Variants in KALRN observed in about 807,000 individuals in gnomAD.
KALRN encodes kalirin.
In KALRN, 70 loss-of-function variants were observed where a neutral mutation model predicts 353.7. The ratio of observed to expected loss-of-function variants is 0.20; its 90% CI spans 0.16 to 0.24. The LOEUF is 0.24. Ranked by LOEUF, KALRN falls within the 10% of genes least tolerant of loss-of-function variation. The probability of loss-of-function intolerance (pLI) is 1.00; values close to 1 mark genes in which losing one functional copy is unlikely to be tolerated. For missense variants in KALRN, 2,791 were observed against 3,756.7 expected (o/e 0.74, Z 6.72); for synonymous variants, 1,391 against 1,434.8 (o/e 0.97, Z 0.69).
chr3:124,210,643 CA>C (rs1465999560), intron 1 of KALRN, among the ~76,000 whole-genome samples: 1 of 152,108 alleles, frequency 6.6e-6, no homozygotes, highest in Non-Finnish European at 1.5e-5. Context: ...GAAAAAAACA[CA>C]AAGGGAACTG....
intron 34 of KALRN, among the ~76,000 whole-genome samples, chr3:124,565,116 T>C (rs1324396680): frequency 6.6e-6 from 1 of 152,198 alleles, no homozygotes; most frequent in Admixed American, 6.5e-5. Flanking sequence ...CCTGACTTCC[T>C]TTCCTCCACT....
intron 33 of KALRN, among the ~76,000 whole-genome samples, chr3:124,542,317 G>A (rs1009590322): frequency 1.1e-4 from 17 of 152,166 alleles, no homozygotes; most frequent in Non-Finnish European, 2.1e-4. Context: ...CGTGTGACTT[G>A]GAGCAACTTT....
At chr3:124,311,977 G>A (rs1487058166) in intron 6 of KALRN, among the ~76,000 whole-genome samples, 2 of 152,148 alleles carry the variant, frequency 1.3e-5, no homozygotes, top group Non-Finnish European at 2.9e-5. Context: ...AAGTAGATTA[G>A]TTGTTGCTTA....
At chr3:124,527,116 A>T (rs770217293) in intron 33 of KALRN, among the ~76,000 whole-genome samples, 1 of 152,178 alleles carries the variant, frequency 6.6e-6, no homozygotes, top group Non-Finnish European at 1.5e-5. Flanking sequence ...AGTGCAGGAG[A>T]TGAGGAAGGA....
intron 51 of KALRN, among the ~76,000 whole-genome samples, chr3:124,691,962 C>A (rs570349575): frequency 6.6e-6 from 1 of 152,206 alleles, no homozygotes; most frequent in East Asian, 1.9e-4. Flanking sequence ...TCCACTCCCC[C>A]ATCCCACCCC....
At chr3:124,621,661 C>T (rs141222391) in intron 34 of KALRN, among the ~76,000 whole-genome samples, 168 of 152,350 alleles carry the variant, frequency 1.1e-3, no homozygotes, top group African/African-American at 3.8e-3. Context: ...GTTGCTGTCA[C>T]CATAGCAGCT....
chr3:124,422,755 A>T, intron 14 of KALRN, 57 bp from the exon 15 acceptor site: 1 of 1,413,918 alleles, frequency 7.1e-7, no homozygotes, highest in Non-Finnish European at 9.9e-7. Flanking sequence ...TATTGAAGGG[A>T]ATGTAGCCTT....
intron 33 of KALRN, among the ~76,000 whole-genome samples, chr3:124,502,515 G>T (rs533512840): frequency 1.6e-4 from 25 of 152,198 alleles, no homozygotes. Context: ...AAAGAAAGGG[G>T]ATGGGTTTTC....
chr3:124,399,496 C>T (rs1356472045), intron 13 of KALRN, among the ~76,000 whole-genome samples: 2 of 152,192 alleles, frequency 1.3e-5, no homozygotes, highest in African/African-American at 4.8e-5. Flanking sequence ...GAAATACCAT[C>T]CATGGAGCTG....
chr3:124,069,787 A>G (rs1194219410), intron 1 of KALRN, among the ~76,000 whole-genome samples: 1 of 152,192 alleles, frequency 6.6e-6, no homozygotes, highest in Non-Finnish European at 1.5e-5. Flanking sequence ...GCTGAAGCTC[A>G]GAGGAAAGGG....
At chr3:124,660,124 G>C (rs561464279) in intron 43 of KALRN, among the ~76,000 whole-genome samples, 2 of 151,680 alleles carry the variant, frequency 1.3e-5, no homozygotes, top group Admixed American at 6.6e-5. Flanking sequence ...GTAGAGACAC[G>C]GTCTCACTAT....
intron 33 of KALRN, among the ~76,000 whole-genome samples, chr3:124,535,190 T>A (rs537038227): frequency 2.6e-4 from 40 of 152,018 alleles, no homozygotes; most frequent in East Asian, 1.9e-3. Context: ...TTTTTTTTTT[T>A]AAAACACTAG....
intron 58 of KALRN, among the ~76,000 whole-genome samples, chr3:124,715,350 C>T (rs1419688558): frequency 1.3e-5 from 2 of 152,152 alleles, no homozygotes; most frequent in Admixed American, 6.5e-5. Flanking sequence ...CTGGGAGAGC[C>T]TTTCTTTACC....
chr3:124,674,645 G>A (rs776355376), intron 49 of KALRN, 31 bp downstream of exon 49: 1 of 1,514,590 alleles, frequency 6.6e-7, no homozygotes, highest in Non-Finnish European at 8.8e-7. Flanking sequence ...CCCGGGAGAG[G>A]AGTATGAGGA....
intron 1 of KALRN, among the ~76,000 whole-genome samples, chr3:124,072,992 C>T (rs1203764805): frequency 2.0e-5 from 3 of 152,210 alleles, no homozygotes; most frequent in African/African-American, 7.2e-5. Context: ...GCTTGTTCTG[C>T]AGACTTCCCA....
At chr3:124,530,734 T>C (rs1195113117) in intron 33 of KALRN, among the ~76,000 whole-genome samples, 1 of 152,110 alleles carries the variant, frequency 6.6e-6, no homozygotes, top group Non-Finnish European at 1.5e-5. Context: ...ATCCAGTAAG[T>C]CGGCTATAAT....
chr3:124,655,368 G>A (rs11711670), intron 38 of KALRN, among the ~76,000 whole-genome samples: 37,911 of 152,034 alleles, frequency 0.25, 4,902 homozygotes, highest in East Asian at 0.41. Context: ...GTCATTTTTC[G>A]TGTGACTATT....
chr3:124,427,488 A>G (rs1186307837), intron 15 of KALRN, among the ~76,000 whole-genome samples: 2 of 152,204 alleles, frequency 1.3e-5, no homozygotes, highest in Non-Finnish European at 2.9e-5. Flanking sequence ...GAACACAGCC[A>G]TCTACAGGCG....
intron 2 of KALRN, among the ~76,000 whole-genome samples, chr3:124,232,469 C>T (rs2079275984): frequency 6.6e-6 from 1 of 152,198 alleles, no homozygotes; most frequent in South Asian, 2.1e-4. Flanking sequence ...TTCCTCCTCT[C>T]TCTTGGAGTT....
Sources: gnomAD v4.1 joint callset for allele counts (sites outside exome capture counted in the v4.1 genomes callset) on GRCh38, gnomAD v4.1.1 for gene constraint, MANE v1.5 for transcripts, NCBI Gene and HGNC (gene_info 2026-07-23, HGNC 2026-07-21) for gene names.